Variants in TSPAN5 observed in about 807,000 individuals in gnomAD.
TSPAN5 encodes the protein tetraspanin-5.
TSPAN5 carries 10 observed loss-of-function variants against 37.1 expected under a neutral mutation model. That is an observed-to-expected ratio of 0.27 (90% CI 0.17 to 0.46). TSPAN5 has a LOEUF of 0.46. TSPAN5 is among the 20% of genes least tolerant of loss of function. TSPAN5 has a pLI of 1.00. For synonymous variants in TSPAN5, 110 were observed against 118.9 expected (o/e 0.93, Z 0.48); for missense variants, 195 against 326.6 (o/e 0.60, Z 3.11).
chr4:98,499,881 C>T (rs1367830570), intron 2 of TSPAN5, among the ~76,000 whole-genome samples: 1 of 151,892 alleles, frequency 6.6e-6, no homozygotes, highest in African/African-American at 2.4e-5. Context: ...AGCATGGTTT[C>T]GATCTCCTGA....
chr4:98,589,388 C>T (rs1419506210), intron 1 of TSPAN5, among the ~76,000 whole-genome samples: 1 of 152,140 alleles, frequency 6.6e-6, no homozygotes, highest in Non-Finnish European at 1.5e-5. Context: ...GCATTACTGG[C>T]CTGACTTAGA....
At chr4:98,601,526 G>T (rs1023855460) in intron 1 of TSPAN5, among the ~76,000 whole-genome samples, 1 of 152,154 alleles carries the variant, frequency 6.6e-6, no homozygotes, top group Non-Finnish European at 1.5e-5. Context: ...GCTAGACTCC[G>T]GCTTTTCTTC....
At chr4:98,578,702 G>C (rs992858179) in intron 1 of TSPAN5, among the ~76,000 whole-genome samples, 23 of 152,292 alleles carry the variant, frequency 1.5e-4, no homozygotes, top group African/African-American at 5.5e-4. Context: ...TTACAGGCAT[G>C]AGCCACCTGT....
At chr4:98,644,440 T>C (rs1231655173) in intron 1 of TSPAN5, among the ~76,000 whole-genome samples, 4 of 152,202 alleles carry the variant, frequency 2.6e-5, no homozygotes, top group Non-Finnish European at 5.9e-5. Flanking sequence ...AAAATATTAT[T>C]GTAGTAAATT....
intron 1 of TSPAN5, among the ~76,000 whole-genome samples, chr4:98,564,796 C>T (rs542052414): frequency 8.6e-5 from 13 of 151,698 alleles, no homozygotes; most frequent in Admixed American, 5.3e-4. Context: ...CTGGGGTTCA[C>T]GTGTGTTTCT....
At chr4:98,477,998 G>A (rs962542542) in intron 5 of TSPAN5, among the ~76,000 whole-genome samples, 5 of 152,068 alleles carry the variant, frequency 3.3e-5, no homozygotes, top group African/African-American at 9.7e-5. Flanking sequence ...TACCAGGCAC[G>A]ATTTGACACA....
intron 1 of TSPAN5, among the ~76,000 whole-genome samples, chr4:98,542,132 C>T (rs974492970): frequency 1.2e-4 from 18 of 152,072 alleles, no homozygotes; most frequent in African/African-American, 3.9e-4. Context: ...TCTTACCTGA[C>T]GGGGTTCTGT....
chr4:98,574,007 T>C (rs1579002215), intron 1 of TSPAN5, among the ~76,000 whole-genome samples: 1 of 152,296 alleles, frequency 6.6e-6, no homozygotes, highest in East Asian at 1.9e-4. Context: ...GCATCAACTG[T>C]ATTTACAAAA....
At position 98,473,553 on chromosome 4, in the gene TSPAN5, G is replaced by A. The variant is rs184541680; in HGVS notation, c.742-966C>T. Among the ~76,000 whole-genome samples, 1,097 of 150,168 alleles carry A rather than the reference G, an allele frequency of 7.3e-3. 10 individuals carry two copies. Among genetic ancestry groups the A allele is most frequent in the Non-Finnish European group, 8.9e-3 (605 of 67,774 alleles). On this transcript the variant is annotated intron_variant, in intron 7 of 7. Transcript: ENST00000305798. ...CGGCTCACTGCAAGCTCCGCTTCCC[G>A]GGTTCACGCCATTCTCCTGCCTCAG...
Position 98,641,426 on chromosome 4 carries a change from C to A in TSPAN5, c.81+16720G>T, listed in dbSNP as rs543613391. Among the ~76,000 whole-genome samples the A allele has an allele frequency of 5.3e-5, 8 of 152,242 alleles. No homozygotes were observed. In the South Asian group the frequency reaches 1.2e-3, roughly 24 times the overall value. ...TTTTATGTGCAAATTAATTGGAAAC[C>A]TTTGTGTTTCTGCTAACTTAAAGGC... On this transcript the variant is annotated intron_variant, in intron 1 of 7. Coordinates refer to ENST00000305798, the MANE Select transcript of TSPAN5 (RefSeq NM_005723.4).
chr4:98,592,191 G>A lies in TSPAN5; in HGVS notation c.81+65955C>T, dbSNP rs191934184. Among the ~76,000 whole-genome samples the A allele has an allele frequency of 1.0e-3, 154 of 149,444 alleles. 2 individuals carry two copies. The highest frequency in any genetic ancestry group is 1.9e-3 in the South Asian group (9 of 4,714). ...CCTTTATCTCATGCCATACGGAAAC[G>A]TTAATTTGAAAGAGTTCAGAGAACT... On this transcript the variant is annotated intron_variant, in intron 1 of 7. Coordinates refer to ENST00000305798, the MANE Select transcript of TSPAN5 (RefSeq NM_005723.4).
At chr4:98,517,411 G>T (rs1753759338) in intron 1 of TSPAN5, among the ~76,000 whole-genome samples, 1 of 152,080 alleles carries the variant, frequency 6.6e-6, no homozygotes, top group South Asian at 2.1e-4. Flanking sequence ...CCTGGGAAAG[G>T]GGTGAGGCAG....
intron 1 of TSPAN5, among the ~76,000 whole-genome samples, chr4:98,591,039 C>A (rs910161604): frequency 6.6e-6 from 1 of 151,340 alleles, no homozygotes; most frequent in African/African-American, 2.4e-5. Flanking sequence ...AAATGAGCAA[C>A]TTTGCCCTGC....
intron 1 of TSPAN5, among the ~76,000 whole-genome samples, chr4:98,538,418 A>T (rs1754285626): frequency 6.6e-6 from 1 of 152,150 alleles, no homozygotes; most frequent in Non-Finnish European, 1.5e-5. Flanking sequence ...CTTAGTCCAC[A>T]AAAAGGTCCA....
At chr4:98,533,135 T>C (rs1366690327) in intron 1 of TSPAN5, among the ~76,000 whole-genome samples, 10 of 152,216 alleles carry the variant, frequency 6.6e-5, no homozygotes, top group Admixed American at 6.5e-4. Flanking sequence ...ATCAGAGATA[T>C]TGGCCTGAAA....
At chr4:98,560,825 T>C (rs926436624) in intron 1 of TSPAN5, among the ~76,000 whole-genome samples, 7 of 152,090 alleles carry the variant, frequency 4.6e-5, no homozygotes, top group Non-Finnish European at 1.0e-4. Context: ...CCAGACTGAG[T>C]GGTCTTACAC....
intron 1 of TSPAN5, among the ~76,000 whole-genome samples, chr4:98,578,837 T>C (rs188348902): frequency 6.6e-6 from 1 of 152,236 alleles, no homozygotes; most frequent in East Asian, 1.9e-4. Flanking sequence ...TCCCCAGTCC[T>C]CTCAGCCACC....
intron 1 of TSPAN5, among the ~76,000 whole-genome samples, chr4:98,626,886 G>GTTTT (rs34770397): frequency 1.4e-4 from 12 of 83,468 alleles, no homozygotes; most frequent in East Asian, 3.3e-4. Context: ...ATGAGAGCAG[G>GTTTT]TTTTTTTTTT....
intron 1 of TSPAN5, among the ~76,000 whole-genome samples, chr4:98,515,610 G>A (rs1262535000): frequency 1.3e-5 from 2 of 151,916 alleles, no homozygotes; most frequent in African/African-American, 4.8e-5. Context: ...CCCAAACACA[G>A]AGGATTATGG....
Sources: allele counts gnomAD v4.1 joint callset (sites outside exome capture counted in the v4.1 genomes callset), GRCh38; gene constraint gnomAD v4.1.1; transcripts MANE v1.5; gene names NCBI Gene and HGNC (gene_info 2026-07-23, HGNC 2026-07-21).